Variants in DPH6 observed in about 807,000 individuals in gnomAD.
DPH6 encodes the protein diphthine--ammonia ligase.
A neutral mutation model predicts 38.2 loss-of-function variants in DPH6; 33 were observed. The observed-to-expected ratio is 0.86, with a 90% CI of 0.65 to 1.15. DPH6 has a LOEUF of 1.15. Ranked by LOEUF, DPH6 falls within the 50% of genes most tolerant of loss-of-function variation. The pLI is 0.00. For synonymous variants in DPH6, 108 were observed against 103.0 expected (o/e 1.05, Z -0.30); for missense variants, 325 against 320.0 (o/e 1.02, Z -0.12).
intron 3 of DPH6, among the ~76,000 whole-genome samples, chr15:35,267,672 G>T (rs1244690913): frequency 6.6e-6 from 1 of 152,162 alleles, no homozygotes; most frequent in African/African-American, 2.4e-5. Context: ...CAGACACCTT[G>T]TTAATGTTAC....
At chr15:35,358,233 AT>A (rs905221209) in intron 3 of DPH6, among the ~76,000 whole-genome samples, 12 of 150,492 alleles carry the variant, frequency 8.0e-5, no homozygotes, top group South Asian at 6.3e-4. Flanking sequence ...TGAATTTTTG[AT>A]TTTTTTTTCT....
intron 5 of DPH6, among the ~76,000 whole-genome samples, chr15:35,413,609 T>C (rs548933185): frequency 7.2e-4 from 110 of 151,808 alleles, no homozygotes; most frequent in Non-Finnish European, 1.4e-3. Context: ...AGCTTTCTTT[T>C]GCTAATATCT....
intron 3 of DPH6, among the ~76,000 whole-genome samples, chr15:35,288,736 G>C (rs189162624): frequency 6.6e-6 from 1 of 152,238 alleles, no homozygotes; most frequent in African/African-American, 2.4e-5. Context: ...TGTGCTTCAT[G>C]CTAATCTCAC....
chr15:35,521,631 C>T (rs2054924005), intron 3 of DPH6: 2 of 1,229,706 alleles, frequency 1.6e-6, no homozygotes, highest in South Asian at 4.1e-5. Flanking sequence ...AAAAATCAGG[C>T]AATGTATTTT....
chr15:35,353,748 G>A (rs1336287122), intron 3 of DPH6, among the ~76,000 whole-genome samples: 1 of 152,172 alleles, frequency 6.6e-6, no homozygotes, highest in Non-Finnish European at 1.5e-5. Flanking sequence ...GCTTAGGATT[G>A]ACTTGGTGAT....
chr15:35,426,828 A>G (rs927147381), intron 5 of DPH6, among the ~76,000 whole-genome samples: 2 of 151,532 alleles, frequency 1.3e-5, no homozygotes, highest in East Asian at 3.9e-4. Flanking sequence ...ATACTGTGAC[A>G]TTATCTGAAA....
the DPH6 span, among the ~76,000 whole-genome samples, chr15:35,173,005 A>G: frequency 0.17 from 25,839 of 152,236 alleles, 2,641 homozygotes; most frequent in East Asian, 0.37. Flanking sequence ...TTATATTATA[A>G]ATGCAATTTG....
chr15:35,157,028 G>C, the DPH6 span, among the ~76,000 whole-genome samples: 4 of 152,108 alleles, frequency 2.6e-5, no homozygotes, highest in Admixed American at 1.3e-4. Context: ...ATTGAACCTT[G>C]ATTAACAAGA....
chr15:35,173,332 C>G, the DPH6 span, among the ~76,000 whole-genome samples: 1 of 152,274 alleles, frequency 6.6e-6, no homozygotes, highest in Middle Eastern at 3.4e-3. Context: ...CACCTCATTC[C>G]AGGCAGCCAA....
At chr15:35,207,149 T>A in the DPH6 span, among the ~76,000 whole-genome samples, 1 of 144,370 alleles carries the variant, frequency 6.9e-6, no homozygotes, top group South Asian at 2.3e-4. Context: ...TAGGCTCAAG[T>A]GATCCTCCCA....
At chr15:35,459,983 A>C (rs1400553082) in intron 3 of DPH6, among the ~76,000 whole-genome samples, 2 of 152,214 alleles carry the variant, frequency 1.3e-5, no homozygotes, top group Non-Finnish European at 2.9e-5. Context: ...CAAGTTAACA[A>C]AGCTGGTAAA....
At chr15:35,542,946 A>ATT (rs2055280165) in intron 1 of DPH6, among the ~76,000 whole-genome samples, 1 of 37,176 alleles carries the variant, frequency 2.7e-5, no homozygotes, top group Non-Finnish European at 4.4e-5. Context: ...CACTTAAGGA[A>ATT]TATATATATA....
At chr15:35,523,991 GT>G (rs903926318) in intron 3 of DPH6, among the ~76,000 whole-genome samples, 13 of 147,880 alleles carry the variant, frequency 8.8e-5, no homozygotes, top group African/African-American at 2.5e-4. Context: ...ACAGATCGTG[GT>G]TTTTTTTTTC....
At chr15:35,520,721 G>C in intron 3 of DPH6, 1 of 984,596 alleles carries the variant, frequency 1.0e-6, no homozygotes, top group South Asian at 4.7e-5. Context: ...TTAGCTGTGA[G>C]AATTATAATA....
intron 3 of DPH6, among the ~76,000 whole-genome samples, chr15:35,356,840 G>T (rs1337419244): frequency 6.6e-6 from 1 of 152,174 alleles, no homozygotes; most frequent in African/African-American, 2.4e-5. Flanking sequence ...AACTGCAGAG[G>T]TTTCTGCTGT....
chr15:35,167,489 T>A, the DPH6 span, among the ~76,000 whole-genome samples: 116 of 151,250 alleles, frequency 7.7e-4, no homozygotes, highest in Middle Eastern at 0.02. Context: ...AGCTAGAAAA[T>A]TCATTGACCG....
intron 3 of DPH6, among the ~76,000 whole-genome samples, chr15:35,525,897 T>G (rs1317829580): frequency 6.6e-6 from 1 of 152,100 alleles, no homozygotes; most frequent in Non-Finnish European, 1.5e-5. Context: ...TGCATAAAAT[T>G]TCATAGTTCA....
chr15:35,272,943 C>G lies in DPH6; in HGVS notation n.201-52361G>C, dbSNP rs376607510. The stretch of plus-strand genomic sequence containing the variant: ...ACAAACCAAAAAGAATGTGACACCC[C>G]ACCCTCATGGCTCCCTCTCTTGCTC... On this transcript the variant is annotated intron_variant and non_coding_transcript_variant, in intron 3 of 3. Coordinates refer to the DPH6 transcript ENST00000560386. 3.3e-3 allele frequency among the ~76,000 whole-genome samples: 506 copies of G among 151,514 alleles called. 1 individual carries two copies. The highest frequency in any genetic ancestry group is 6.8e-3 in the Middle Eastern group (2 of 294).
intron 7 of DPH6, 23 bp from the exon 8 acceptor site, chr15:35,373,631 T>C: frequency 6.3e-7 from 1 of 1,581,846 alleles, no homozygotes; most frequent in Non-Finnish European, 8.6e-7. Context: ...AATTTTACAA[T>C]ACATTTATAT....
Sources: gnomAD v4.1 joint callset for allele counts (sites outside exome capture counted in the v4.1 genomes callset) on GRCh38, gnomAD v4.1.1 for gene constraint, MANE v1.5 for transcripts, NCBI Gene and HGNC (gene_info 2026-07-23, HGNC 2026-07-21) for gene names.